The following RAG1 variants were observed in gnomAD, a reference collection of about 807,000 sequenced individuals.
The protein encoded by RAG1 is recombination activating 1.
RAG1 carries 35 observed loss-of-function variants against 62.7 expected under a neutral mutation model. The ratio of observed to expected loss-of-function variants is 0.56; its 90% CI spans 0.43 to 0.74. The LOEUF (loss-of-function observed/expected upper bound fraction) is 0.74. Ranked by LOEUF, RAG1 falls within the 30% of genes least tolerant of loss-of-function variation. The probability of loss-of-function intolerance (pLI) is 0.00; values close to 1 mark genes in which losing one functional copy is unlikely to be tolerated. For synonymous variants in RAG1, 461 were observed against 470.3 expected (o/e 0.98, Z 0.26); for missense variants, 1,169 against 1,278.6 (o/e 0.91, Z 1.31).
intron 2 of RAG1, among the ~76,000 whole-genome samples, chr11:36,523,218 C>G (rs986803920): frequency 2.0e-5 from 3 of 152,176 alleles, no homozygotes; most frequent in African/African-American, 7.2e-5. Flanking sequence ...TCCCATAATT[C>G]CCACGTGTTA....
chr11:36,541,592 A>G (rs1860418309), intron 3 of RAG1, among the ~76,000 whole-genome samples: 1 of 152,204 alleles, frequency 6.6e-6, no homozygotes, highest in African/African-American at 2.4e-5. Context: ...GAATTGGCTT[A>G]GGTCAGCAAA....
chr11:36,560,888 G>A (rs577815796), intron 3 of RAG1, among the ~76,000 whole-genome samples: 7 of 152,060 alleles, frequency 4.6e-5, no homozygotes, highest in South Asian at 2.1e-4. Flanking sequence ...AGAGGGTTTC[G>A]TCACTTCCTT....
In RAG1 at chr11:36,577,064, T is replaced by C. The variant is rs1407383702; in HGVS notation, c.*628T>C. 2 of 167,738 alleles carry C rather than the reference T, an allele frequency of 1.2e-5. No individual in the cohort carries two copies. The highest frequency in any genetic ancestry group is 1.9e-4 in the East Asian group (1 of 5,204). The allele number at this position is 167,738 out of a possible 1,614,324, so 10.4% of individuals were successfully genotyped here. ...TTACATCAGGACAACTTTGAGAAAA[T>C]CAGTCCTTTTTTATGTTTAAATTAT... is the stretch of plus-strand genomic sequence containing the variant. On this transcript the variant is annotated 3_prime_UTR_variant, in exon 2 of 2. Coordinates refer to ENST00000299440, the MANE Select transcript of RAG1 (RefSeq NM_000448.3).
At chr11:36,536,828 A>T (rs1439735984), downstream of RAG1, among the ~76,000 whole-genome samples, 2 of 151,162 alleles carry the variant, frequency 1.3e-5, no homozygotes, top group African/African-American at 2.4e-5. Flanking sequence ...GCACGATCTC[A>T]GCTCACTGCA....
intron 2 of RAG1, among the ~76,000 whole-genome samples, chr11:36,521,474 G>C (rs906864233): frequency 7.2e-5 from 11 of 152,168 alleles, no homozygotes; most frequent in Non-Finnish European, 1.6e-4. Context: ...TACCATGATT[G>C]TGAGGCCTCC....
chr11:36,537,426 G>A (rs987197748), downstream of RAG1, among the ~76,000 whole-genome samples: 1 of 152,086 alleles, frequency 6.6e-6, no homozygotes, highest in Non-Finnish European at 1.5e-5. Context: ...CATCAAATGT[G>A]TACATTTTTG....
chr11:36,571,014 C>G (rs113248703), intron 1 of RAG1, among the ~76,000 whole-genome samples: 2 of 152,138 alleles, frequency 1.3e-5, no homozygotes, highest in Admixed American at 6.5e-5. Context: ...TGTGCAGAAG[C>G]TTTTAACTTG....
intron 3 of RAG1, among the ~76,000 whole-genome samples, chr11:36,541,956 T>C (rs925939631): frequency 1.3e-5 from 2 of 152,144 alleles, no homozygotes; most frequent in Non-Finnish European, 2.9e-5. Flanking sequence ...CCCATAGTAC[T>C]CAGCCTATGA....
upstream of RAG1, among the ~76,000 whole-genome samples, chr11:36,567,833 C>T (rs1195307603): frequency 1.3e-5 from 2 of 152,310 alleles, no homozygotes; most frequent in Non-Finnish European, 1.5e-5. Context: ...AACTCTCGCA[C>T]ATGGTTCTAC....
downstream of RAG1, among the ~76,000 whole-genome samples, chr11:36,536,622 T>C (rs913129106): frequency 6.5e-5 from 2 of 30,636 alleles, no homozygotes; most frequent in African/African-American, 1.6e-4. Context: ...TTCAAAGTTT[T>C]TTAAAAGACA....
chr11:36,572,691 T>C (rs895259668), intron 1 of RAG1, among the ~76,000 whole-genome samples: 4 of 152,246 alleles, frequency 2.6e-5, no homozygotes, highest in Non-Finnish European at 2.9e-5. Context: ...ACGATACTTA[T>C]TATTAGTTTG....
At position 36,573,682 on chromosome 11, in the gene RAG1, A is replaced by C. The variant is rs748499180; in HGVS notation, c.378A>C (p.Arg126Ser). ...NSFRADEHNR[R>S]YPVHGPVDGK... ...TTAGAGCTGATGAGCACAACAGGAGATATCCAGTCCATGGTCCTGTGGATG... is the reference window on the plus strand; with the variant it reads ...TTAGAGCTGATGAGCACAACAGGAGCTATCCAGTCCATGGTCCTGTGGATG... The change falls in exon 2 of 2, where the codon AGA becomes AGC. Residue 126 changes from arginine (R) to serine (S), a missense_variant. This residue lies in a region of RAG1 where 369 missense variants were observed against 335.3 expected (regional missense o/e 1.10). Transcript: ENST00000299440. 1 of 1,614,146 alleles carries C rather than the reference A, an allele frequency of 6.2e-7. No individual in the cohort carries two copies. Among genetic ancestry groups the C allele is most frequent in the Non-Finnish European group, 8.5e-7 (1 of 1,180,040 alleles).
chr11:36,540,437 C>T (rs1435165087), downstream of RAG1, among the ~76,000 whole-genome samples: 1 of 152,184 alleles, frequency 6.6e-6, no homozygotes, highest in East Asian at 1.9e-4. Flanking sequence ...CGGAGCCTCT[C>T]TCTGTCATCC....
At chr11:36,521,247 C>T (rs1294028790) in intron 2 of RAG1, among the ~76,000 whole-genome samples, 1 of 152,076 alleles carries the variant, frequency 6.6e-6, no homozygotes, top group Non-Finnish European at 1.5e-5. Flanking sequence ...GCTTGAGCCA[C>T]TGCGCCTGGC....
At position 36,573,293 on chromosome 11, in the gene RAG1, A is replaced by G; in HGVS notation, c.-12A>G. ...TGACTTGTTTTCATTGTTCTCAGGT[A>G]CCTCAGCCAGCATGGCAGCCTCTTT... On this transcript the variant is annotated splice_region_variant and 5_prime_UTR_variant, in exon 2 of 2. Transcript: ENST00000299440. 6.2e-7 allele frequency: 1 copy of G among 1,614,018 alleles called. No individual in the cohort carries two copies.
rs1218559623 is a variant in RAG1, at chr11:36,574,463, G to C, written c.1159G>C (p.Val387Leu). 6.2e-7 allele frequency: 1 copy of C among 1,614,200 alleles called. No individual in the cohort carries two copies. Among genetic ancestry groups the C allele is most frequent in the Non-Finnish European group, 8.5e-7 (1 of 1,180,052 alleles). Residue 387 changes from valine (V) to leucine (L), a missense_variant, in exon 2 of 2, where the codon GTG (valine) becomes CTG (leucine). This residue lies in a region of RAG1 where 800 missense variants were observed against 943.3 expected (regional missense o/e 0.85). Transcript: ENST00000299440. ...TCACAAGGAATCAAAAGAGATTTTTGTGCACATTAATAAAGGGGGCCGGCC... is the reference window on the plus strand; with the variant it reads ...TCACAAGGAATCAAAAGAGATTTTTCTGCACATTAATAAAGGGGGCCGGCC... ...SSHKESKEIF[V>L]HINKGGRPRQ...
intron 1 of RAG1, among the ~76,000 whole-genome samples, chr11:36,513,105 C>A (rs969395684): frequency 7.9e-5 from 12 of 152,128 alleles, no homozygotes; most frequent in Non-Finnish European, 1.5e-4. Context: ...TTGGTTCAGC[C>A]CCGTCTTTCT....
At chr11:36,542,634 G>A (rs1850324794) in intron 3 of RAG1, among the ~76,000 whole-genome samples, 1 of 152,168 alleles carries the variant, frequency 6.6e-6, no homozygotes, top group African/African-American at 2.4e-5. Flanking sequence ...CCAGAAGACA[G>A]GGAGAAGAAC....
At chr11:36,543,729 C>T (rs373818038) in intron 3 of RAG1, among the ~76,000 whole-genome samples, 2 of 152,194 alleles carry the variant, frequency 1.3e-5, no homozygotes, top group African/African-American at 4.8e-5. Context: ...ATGGAATACA[C>T]TAAATTCAGA....
Sources: allele counts gnomAD v4.1 joint callset (sites outside exome capture counted in the v4.1 genomes callset), GRCh38; gene constraint gnomAD v4.1.1; regional missense constraint gnomAD v4.1.1; transcripts MANE v1.5; gene names NCBI Gene and HGNC (gene_info 2026-07-23, HGNC 2026-07-21).